COL9A2: variants seen among roughly 807,000 people sequenced by gnomAD.
The protein encoded by COL9A2 is collagen alpha-2(IX) chain.
COL9A2 carries 66 observed loss-of-function variants against 111.6 expected under a neutral mutation model. The observed-to-expected ratio is 0.59, with a 90% CI of 0.48 to 0.73. The LOEUF is 0.73. COL9A2 is among the 30% of genes least tolerant of loss of function. The probability of loss-of-function intolerance (pLI) is 0.00; values close to 1 mark genes in which losing one functional copy is unlikely to be tolerated. For synonymous variants in COL9A2, 353 were observed against 364.1 expected (o/e 0.97, Z 0.35); for missense variants, 881 against 954.1 (o/e 0.92, Z 1.01).
chr1:40,303,739 G>C lies in COL9A2; in HGVS notation c.1402-63C>G. The C allele has an allele frequency of 6.5e-7, 1 of 1,545,528 alleles. No individual in the cohort carries two copies. Among genetic ancestry groups the C allele is most frequent in the Non-Finnish European group, 8.7e-7 (1 of 1,143,900 alleles). On this transcript the variant is annotated intron_variant, in intron 27 of 31. Coordinates refer to ENST00000372748, the MANE Select transcript of COL9A2 (RefSeq NM_001852.4). This position sits in a 1 kb window ranked among gnomAD's most constrained non-coding sequence, Gnocchi z 4.6. ...AAGGCGCCCGGGTGGGCGAGAGTGG[G>C]GGGTGGGGGTCGAGGAAGGGAGTGG... is the stretch of plus-strand genomic sequence containing the variant.
At chr1:40,308,866 T>C (rs1325459968) in intron 16 of COL9A2, among the ~76,000 whole-genome samples, 1 of 152,192 alleles carries the variant, frequency 6.6e-6, no homozygotes, top group African/African-American at 2.4e-5. Flanking sequence ...AAAATGTTAA[T>C]AACTGAATTG....
rs1298699183 is a variant in COL9A2 at position 40,311,363 on chromosome 1, CT to C, written c.520-78del. The C allele has an allele frequency of 1.9e-6, 3 of 1,580,456 alleles. No homozygotes were observed. In the African/African-American group the frequency reaches 4.1e-5, roughly 21 times the overall value. The stretch of plus-strand genomic sequence containing the variant: ...CCATCTCTCCAAGCCCCGTGCTCTC[CT>C]CCGCCTCACCTGGTGGAACCCCTGC... On this transcript the variant is annotated intron_variant, in intron 10 of 31. Transcript: ENST00000372748. The surrounding 1 kb of genome is among the most constrained non-coding windows in gnomAD (Gnocchi z 5.1).
Position 40,311,322 on chromosome 1 carries a change from G to T in COL9A2, c.520-36C>A. On this transcript the variant is annotated intron_variant, in intron 10 of 31. Coordinates refer to ENST00000372748, the MANE Select transcript of COL9A2 (RefSeq NM_001852.4). This position sits in a 1 kb window ranked among gnomAD's most constrained non-coding sequence, Gnocchi z 5.1. ...AAAATCCCACAGGGTCCTGTGATCA[G>T]CTGGGCAGTGCGCCCCCATCTCTCC... 4 of 1,607,056 alleles carry T rather than the reference G, an allele frequency of 2.5e-6. No individual in the cohort carries two copies. Among genetic ancestry groups the T allele is most frequent in the South Asian group, 1.1e-5 (1 of 90,232 alleles).
chr1:40,316,501 TA>T lies in COL9A2; in HGVS notation c.75+621del. The T allele has an allele frequency of 2.3e-6, 1 of 428,896 alleles. No individual in the cohort carries two copies. 26.6% of individuals were successfully genotyped at this position (428,896 alleles called of 1,614,324 possible). A position where few individuals can be genotyped will look rare whatever the true frequency, so the allele number is the denominator to read the frequency against. ...CCATCTCTGAACAGATCAGAGATCT[TA>T]AAAGGCGGCCCTTTTAAGAGGCCAG... On this transcript the variant is annotated intron_variant, in intron 1 of 31. Coordinates refer to ENST00000372748, the MANE Select transcript of COL9A2 (RefSeq NM_001852.4). This position sits in a 1 kb window ranked among gnomAD's most constrained non-coding sequence, Gnocchi z 5.5.
At position 40,307,710 on chromosome 1, in the gene COL9A2, C is replaced by G; in HGVS notation, c.947G>C (p.Gly316Ala). The G allele has an allele frequency of 6.2e-7, 1 of 1,614,166 alleles. No individual in the cohort carries two copies. Among genetic ancestry groups the G allele is most frequent in the Non-Finnish European group, 8.5e-7 (1 of 1,180,000 alleles). Reference protein sequence around the residue: ...NGKDGTPGTPGMKGSAGQAGQ... With the variant: ...NGKDGTPGTPAMKGSAGQAGQ... ...CAGCAGCCCCACTCCTACCTTCATG[C>G]CAGGCGTGCCTGGGGTCCCATCCTT... Residue 316 changes from glycine (G) to alanine (A), a missense_variant, in exon 18 of 32, where the codon GGC becomes GCC. Coordinates refer to ENST00000372748, the MANE Select transcript of COL9A2 (RefSeq NM_001852.4). This position sits in a 1 kb window ranked among gnomAD's most constrained non-coding sequence, Gnocchi z 4.8.
intron 21 of COL9A2, 115 bp downstream of exon 21, chr1:40,305,600 G>T: frequency 1.0e-6 from 1 of 975,330 alleles, no homozygotes; most frequent in Non-Finnish European, 1.6e-6. Flanking sequence ...GAGCTTCCCT[G>T]AATCATTGGG....
In COL9A2 at chr1:40,311,800, C is replaced by T. The variant is rs1322419017; in HGVS notation, c.418-85G>A. 1 of 1,350,396 alleles carries T rather than the reference C, an allele frequency of 7.4e-7. No individual in the cohort carries two copies. The highest frequency in any genetic ancestry group is 1.1e-6 in the Non-Finnish European group (1 of 942,360). 83.7% of individuals were successfully genotyped at this position (1,350,396 alleles called of 1,614,324 possible). A position where few individuals can be genotyped will look rare whatever the true frequency, so the allele number is the denominator to read the frequency against. On this transcript the variant is annotated intron_variant, in intron 8 of 31. Coordinates refer to ENST00000372748, the MANE Select transcript of COL9A2 (RefSeq NM_001852.4). The surrounding 1 kb of genome is among the most constrained non-coding windows in gnomAD (Gnocchi z 5.1). ...GCCCTCCTCCAGGTCCTGCCTCTGCCCTCTCCACCCTGTCTTCCCGGTCAC... is the reference window on the plus strand; with the variant it reads ...GCCCTCCTCCAGGTCCTGCCTCTGCTCTCTCCACCCTGTCTTCCCGGTCAC...
chr1:40,312,085 C>T lies in COL9A2; in HGVS notation c.391G>A (p.Gly131Ser). The change falls in exon 8 of 32, where the codon GGT becomes AGT. Residue 131 changes from glycine to serine, a missense_variant. Transcript: ENST00000372748. The surrounding 1 kb of genome is among the most constrained non-coding windows in gnomAD (Gnocchi z 6.0). Reference protein sequence around the residue: ...PGPPGPVGLPGEIGIRGPKGD... With the variant: ...PGPPGPVGLPSEIGIRGPKGD... ...TTGGGGCCTCGGATTCCAATCTCAC[C>T]AGGGAGGCCAACAGGTCCAGGAGGC... 1 of 1,602,424 alleles carries T rather than the reference C, an allele frequency of 6.2e-7. No individual in the cohort carries two copies. The highest frequency in any genetic ancestry group is 8.5e-7 in the Non-Finnish European group (1 of 1,176,142).
At position 40,301,832 on chromosome 1, in the gene COL9A2, G is replaced by C. The variant is rs2124035240; in HGVS notation, c.1850C>G (p.Pro617Arg). 1 of 1,614,140 alleles carries C rather than the reference G, an allele frequency of 6.2e-7. No homozygotes were observed. The highest frequency in any genetic ancestry group is 8.5e-7 in the Non-Finnish European group (1 of 1,179,998). The change falls in exon 31 of 32, where the codon CCT (proline) becomes CGT (arginine). Residue 617 changes from proline to arginine, a missense_variant. Transcript: ENST00000372748. ...CTTACCTGGGATCCCTGGGGGCCCA[G>C]GCATCCCGGGGTGCCCCCGTCCCAC... ...GEVGRGHPGM[P>R]GPPGIPGLPG...
Position 40,311,793 on chromosome 1 carries a change from C to A in COL9A2, c.418-78G>T. ...CCCTAGTGCCCTCCTCCAGGTCCTG[C>A]CTCTGCCCTCTCCACCCTGTCTTCC... On this transcript the variant is annotated intron_variant, in intron 8 of 31. Coordinates refer to ENST00000372748, the MANE Select transcript of COL9A2 (RefSeq NM_001852.4). This position sits in a 1 kb window ranked among gnomAD's most constrained non-coding sequence, Gnocchi z 5.1. 1.4e-6 allele frequency: 2 copies of A among 1,405,632 alleles called. No homozygotes were observed. Among genetic ancestry groups the A allele is most frequent in the Non-Finnish European group, 2.0e-6 (2 of 991,878 alleles). 87.1% of individuals were successfully genotyped at this position (1,405,632 alleles called of 1,614,324 possible).
chr1:40,316,652 C>G lies in COL9A2; in HGVS notation c.75+471G>C, dbSNP rs1045611037. ...GACCGGGCCCAGTCTCTGCCCTACC[C>G]GCGCGCCCGCAGCCCCCGGCGGCCC... is the stretch of plus-strand genomic sequence containing the variant. On this transcript the variant is annotated intron_variant, in intron 1 of 31. Transcript: ENST00000372748. The surrounding 1 kb of genome is among the most constrained non-coding windows in gnomAD (Gnocchi z 5.5). The G allele has an allele frequency of 1.1e-5, 5 of 438,970 alleles. No individual in the cohort carries two copies. The highest frequency in any genetic ancestry group is 2.3e-5 in the Non-Finnish European group (5 of 219,752). The allele number at this position is 438,970 out of a possible 1,614,324, so 27.2% of individuals were successfully genotyped here.
Position 40,303,416 on chromosome 1 carries a change from C to A in COL9A2, c.1548+114G>T. 6.9e-7 allele frequency: 1 copy of A among 1,453,640 alleles called. No homozygotes were observed. The highest frequency in any genetic ancestry group is 9.4e-7 in the Non-Finnish European group (1 of 1,060,152). The allele number at this position is 1,453,640 out of a possible 1,614,324, so 90.0% of individuals were successfully genotyped here. Reference sequence around the variant, plus strand: ...TTCCTGTCTGCTCTGGGGCTTGGAACCAGTCTCGGGGAAGTCGGTGAGTCT... The same window carrying A: ...TTCCTGTCTGCTCTGGGGCTTGGAAACAGTCTCGGGGAAGTCGGTGAGTCT... On this transcript the variant is annotated intron_variant, in intron 28 of 31. Coordinates refer to ENST00000372748, the MANE Select transcript of COL9A2 (RefSeq NM_001852.4). The surrounding 1 kb of genome is among the most constrained non-coding windows in gnomAD (Gnocchi z 4.6).
rs1051411555 is a variant in COL9A2 at position 40,316,849 on chromosome 1, G to C, written c.75+274C>G. 3.5e-6 allele frequency: 2 copies of C among 564,250 alleles called. No individual in the cohort carries two copies. Among genetic ancestry groups the C allele is most frequent in the Non-Finnish European group, 6.4e-6 (2 of 312,938 alleles). 35.0% of individuals were successfully genotyped at this position (564,250 alleles called of 1,614,324 possible). On this transcript the variant is annotated intron_variant, in intron 1 of 31. Coordinates refer to ENST00000372748, the MANE Select transcript of COL9A2 (RefSeq NM_001852.4). The surrounding 1 kb of genome is among the most constrained non-coding windows in gnomAD (Gnocchi z 5.5). ...CTGGGCTCCCCGGGCTGCCAGGACC[G>C]GGCGCCAGCTCCTGCCCCACGCTGC...
At position 40,303,267 on chromosome 1, in the gene COL9A2, G is replaced by A; in HGVS notation, c.1549-82C>T. 12 of 1,388,236 alleles carry A rather than the reference G, an allele frequency of 8.6e-6. No individual in the cohort carries two copies. The highest frequency in any genetic ancestry group is 1.2e-5 in the Non-Finnish European group (12 of 995,804). The allele number at this position is 1,388,236 out of a possible 1,614,324, so 86.0% of individuals were successfully genotyped here. A position where few individuals can be genotyped will look rare whatever the true frequency, so the allele number is the denominator to read the frequency against. Reference sequence around the variant, plus strand: ...ATCCCACCTGGCTGAGCGTGAGGCCGCCATGGAGGAGACTCTGGTGTTGAG... The same window carrying A: ...ATCCCACCTGGCTGAGCGTGAGGCCACCATGGAGGAGACTCTGGTGTTGAG... On this transcript the variant is annotated intron_variant, in intron 28 of 31. Transcript: ENST00000372748. This position sits in a 1 kb window ranked among gnomAD's most constrained non-coding sequence, Gnocchi z 4.6.
rs3737821 is a variant in COL9A2, at chr1:40,302,672, C to A, written c.1741G>T (p.Val581Phe). The A allele has an allele frequency of 6.2e-7, 1 of 1,600,202 alleles. No individual in the cohort carries two copies. Among genetic ancestry groups the A allele is most frequent in the East Asian group, 2.3e-5 (1 of 44,054 alleles). ...CCCACGGCTCCCACGATGCCAGGAA[C>A]GCCCCGAGGGCCAGGGTGCCCATGG... is the stretch of plus-strand genomic sequence containing the variant. ...GPHGHPGPRG[V>F]PGIVGAVGQI... The change falls in exon 30 of 32, where the codon GTT becomes TTT. Residue 581 changes from valine (V) to phenylalanine (F), a missense_variant. By Grantham distance (50) the Val-to-Phe change is conservative (BLOSUM62 -1). Coordinates refer to ENST00000372748, the MANE Select transcript of COL9A2 (RefSeq NM_001852.4). The surrounding 1 kb of genome is among the most constrained non-coding windows in gnomAD (Gnocchi z 4.5).
At chr1:40,315,361 C>A in intron 2 of COL9A2, 1 of 1,375,928 alleles carries the variant, frequency 7.3e-7, no homozygotes, top group Non-Finnish European at 9.4e-7. Flanking sequence ...GCGGACTGAA[C>A]AGCAGCTCCT....
chr1:40,308,663 G>A (rs1014348362), intron 16 of COL9A2, among the ~76,000 whole-genome samples: 1 of 152,192 alleles, frequency 6.6e-6, no homozygotes, highest in African/African-American at 2.4e-5. Flanking sequence ...ATGATGTTAG[G>A]GAGTACTTGT....
rs1334852203 is a variant in COL9A2 at position 40,311,404 on chromosome 1, C to T, written c.519+96G>A. The stretch of plus-strand genomic sequence containing the variant: ...GGAACCCCTGCACTGCAGCCCCTCC[C>T]CATCTCTCCAGACACCCCCATCTCC... On this transcript the variant is annotated intron_variant, in intron 10 of 31. Transcript: ENST00000372748. The surrounding 1 kb of genome is among the most constrained non-coding windows in gnomAD (Gnocchi z 5.1). The T allele has an allele frequency of 6.3e-7, 1 of 1,580,892 alleles. No homozygotes were observed. The highest frequency in any genetic ancestry group is 8.6e-7 in the Non-Finnish European group (1 of 1,158,756).
At position 40,310,923 on chromosome 1, in the gene COL9A2, AG is replaced by A. The variant is rs1332488932; in HGVS notation, c.631-157del. ...GTTACAGATAGAGAAAAGCCAAGCA[AG>A]GAGACATGACCAGAGACATGCCGAC... is the stretch of plus-strand genomic sequence containing the variant. On this transcript the variant is annotated intron_variant, in intron 12 of 31. Coordinates refer to ENST00000372748, the MANE Select transcript of COL9A2 (RefSeq NM_001852.4). This position sits in a 1 kb window ranked among gnomAD's most constrained non-coding sequence, Gnocchi z 4.9. 2.6e-5 allele frequency among the ~76,000 whole-genome samples: 4 copies of A among 152,204 alleles called. No individual in the cohort carries two copies. Among genetic ancestry groups the A allele is most frequent in the Non-Finnish European group, 4.4e-5 (3 of 68,024 alleles).
Sources: gnomAD v4.1 joint callset for allele counts (sites outside exome capture counted in the v4.1 genomes callset) on GRCh38, gnomAD v4.1.1 for gene constraint, Gnocchi (gnomAD v3.1) non-coding constraint, MANE v1.5 for transcripts, NCBI Gene and HGNC (gene_info 2026-07-23, HGNC 2026-07-21) for gene names.